The following KCND3 variants were observed in gnomAD, a reference collection of about 807,000 sequenced individuals.
KCND3 encodes the protein A-type voltage-gated potassium channel KCND3.
KCND3 carries 9 observed loss-of-function variants against 51.1 expected under a neutral mutation model. The observed-to-expected ratio is 0.18, with a 90% CI of 0.11 to 0.31. The LOEUF is 0.31. Ranked by LOEUF, KCND3 falls within the 10% of genes least tolerant of loss-of-function variation. The pLI is 1.00. For missense variants in KCND3, 526 were observed against 903.8 expected, an observed-to-expected ratio of 0.58 and a Z score of 5.36; for synonymous variants, 349 against 368.0, an observed-to-expected ratio of 0.95 and a Z score of 0.59.
chr1:111,856,340 C>A (rs944465757), intron 2 of KCND3, among the ~76,000 whole-genome samples: 2 of 152,248 alleles, frequency 1.3e-5, no homozygotes, highest in East Asian at 3.8e-4. Flanking sequence ...TTGGTCCCTG[C>A]TCTTCTCCCT....
At chr1:111,885,613 A>G (rs1179579589) in intron 2 of KCND3, among the ~76,000 whole-genome samples, 1 of 152,172 alleles carries the variant, frequency 6.6e-6, no homozygotes, top group African/African-American at 2.4e-5. Context: ...GGGAAGGCCA[A>G]CTGGGCAGAT....
At chr1:111,777,802 C>T (rs551400547) in intron 6 of KCND3, among the ~76,000 whole-genome samples, 6 of 152,252 alleles carry the variant, frequency 3.9e-5, no homozygotes, top group South Asian at 2.1e-4. Context: ...CAAACTGTCA[C>T]GGATAGGGTT....
chr1:111,798,129 G>A (rs898587031), intron 2 of KCND3, among the ~76,000 whole-genome samples: 5 of 152,196 alleles, frequency 3.3e-5, no homozygotes. Flanking sequence ...CTCAGGCTTG[G>A]GAAGTGGGGC....
chr1:111,889,801 G>C (rs190660349), intron 2 of KCND3, among the ~76,000 whole-genome samples: 3 of 152,104 alleles, frequency 2.0e-5, no homozygotes, highest in African/African-American at 7.2e-5. Flanking sequence ...AAATCTTATG[G>C]AGGAAAACAA....
intron 2 of KCND3, among the ~76,000 whole-genome samples, chr1:111,794,365 C>T (rs746511419): frequency 7.2e-5 from 11 of 152,214 alleles, no homozygotes; most frequent in Non-Finnish European, 1.2e-4. Flanking sequence ...GGTGGGGGCA[C>T]GGCTGCCTGT....
chr1:111,967,889 A>C (rs118063806), intron 2 of KCND3, among the ~76,000 whole-genome samples: 1 of 151,986 alleles, frequency 6.6e-6, no homozygotes. Context: ...CTGGCCCCAC[A>C]CCCACATCTC....
chr1:111,808,975 C>A (rs1665706990), intron 2 of KCND3, among the ~76,000 whole-genome samples: 1 of 152,248 alleles, frequency 6.6e-6, no homozygotes, highest in Non-Finnish European at 1.5e-5. Flanking sequence ...CACCCCTAAT[C>A]TGGATCATCT....
chr1:111,917,962 G>A (rs1290048424), intron 2 of KCND3, among the ~76,000 whole-genome samples: 2 of 152,168 alleles, frequency 1.3e-5, no homozygotes, highest in Non-Finnish European at 2.9e-5. Context: ...GAGGCACTGG[G>A]GATCCAGGAT....
intron 2 of KCND3, among the ~76,000 whole-genome samples, chr1:111,968,479 G>A (rs1674136499): frequency 6.6e-6 from 1 of 152,250 alleles, no homozygotes; most frequent in African/African-American, 2.4e-5. Context: ...GCCAGCAGAG[G>A]AGAAAGTGAG....
chr1:111,830,251 C>G (rs191852276), intron 2 of KCND3, among the ~76,000 whole-genome samples: 123 of 152,332 alleles, frequency 8.1e-4, no homozygotes, highest in Non-Finnish European at 1.5e-3. Context: ...CCATCACTCC[C>G]TGCTTGACTC....
intron 2 of KCND3, among the ~76,000 whole-genome samples, chr1:111,851,549 G>A (rs540247471): frequency 4.5e-4 from 69 of 152,264 alleles, no homozygotes; most frequent in Non-Finnish European, 9.3e-4. Context: ...AACTCCTCCT[G>A]GCAAATTTAG....
intron 2 of KCND3, among the ~76,000 whole-genome samples, chr1:111,966,055 CCAAG>C (rs1042500179): frequency 5.3e-5 from 8 of 152,136 alleles, no homozygotes; most frequent in Non-Finnish European, 1.5e-5. Context: ...GCTCACCCCA[CCAAG>C]CTGGCCTTCC....
At chr1:111,923,818 C>T (rs1260823705) in intron 2 of KCND3, among the ~76,000 whole-genome samples, 2 of 152,286 alleles carry the variant, frequency 1.3e-5, no homozygotes, top group African/African-American at 2.4e-5. Context: ...AGGGCCACCA[C>T]ACTGGTAGGT....
chr1:111,859,978 A>G (rs1403990924), intron 2 of KCND3, among the ~76,000 whole-genome samples: 1 of 152,206 alleles, frequency 6.6e-6, no homozygotes, highest in African/African-American at 2.4e-5. Context: ...TTGGGAAGGA[A>G]TCTTCTGCAT....
At chr1:111,957,343 G>A (rs892797212) in intron 2 of KCND3, among the ~76,000 whole-genome samples, 8 of 152,192 alleles carry the variant, frequency 5.3e-5, no homozygotes, top group Non-Finnish European at 7.3e-5. Context: ...CCCGAGGAAC[G>A]TGATGGGCCG....
rs1231850947 is a variant in KCND3 at position 111,944,343 on chromosome 1, C to T, written c.1106+37278G>A. On this transcript the variant is annotated intron_variant, in intron 2 of 7. Transcript: ENST00000302127. ...GCCATTGTCATTCCACTCCGATAAACGAAAGGTTAAGATACAATTACAAAG... is the reference window on the plus strand; with the variant it reads ...GCCATTGTCATTCCACTCCGATAAATGAAAGGTTAAGATACAATTACAAAG... 3.3e-5 allele frequency among the ~76,000 whole-genome samples: 5 copies of T among 152,198 alleles called. No homozygotes were observed. In the East Asian group the frequency reaches 5.8e-4, roughly 18 times the overall value.
At chr1:111,944,253 T>C (rs904165574) in intron 2 of KCND3, among the ~76,000 whole-genome samples, 2 of 151,394 alleles carry the variant, frequency 1.3e-5, no homozygotes, top group Non-Finnish European at 2.9e-5. Context: ...GAGGAAAGAG[T>C]GGGGCGCAGG....
chr1:111,872,298 A>G lies in KCND3; in HGVS notation c.1107-85192T>C, dbSNP rs531723817. 3.4e-4 allele frequency among the ~76,000 whole-genome samples: 52 copies of G among 152,332 alleles called. 1 individual carries two copies. In the South Asian group the frequency reaches 7.7e-3, roughly 22 times the overall value. ...GCAAGAAGCAGAAGCACCACAGAAA[A>G]GTGCTCTGAGGTTAAGTAAATTTGG... is the stretch of plus-strand genomic sequence containing the variant. On this transcript the variant is annotated intron_variant, in intron 2 of 7. Transcript: ENST00000302127.
chr1:111,967,035 G>T (rs1206944461), intron 2 of KCND3, among the ~76,000 whole-genome samples: 1 of 151,732 alleles, frequency 6.6e-6, no homozygotes, highest in Non-Finnish European at 1.5e-5. Context: ...AGCTACTTGG[G>T]AGGCTGAGGC....
Sources: gnomAD v4.1 joint callset for allele counts (sites outside exome capture counted in the v4.1 genomes callset) on GRCh38, gnomAD v4.1.1 for gene constraint, MANE v1.5 for transcripts, NCBI Gene and HGNC (gene_info 2026-07-23, HGNC 2026-07-21) for gene names.